CNTN4: variants seen among roughly 807,000 people sequenced by gnomAD.
CNTN4 encodes the protein contactin 4, also known as contactin-4.
Under a neutral mutation model 122.5 loss-of-function variants are expected in CNTN4, and 77 were observed. The ratio of observed to expected loss-of-function variants is 0.63; its 90% CI spans 0.52 to 0.76. CNTN4 has a LOEUF of 0.76. CNTN4 is among the 30% of genes least tolerant of loss of function. CNTN4 has a pLI of 0.00. For synonymous variants in CNTN4, 512 were observed against 447.0 expected (o/e 1.15, Z -1.83); for missense variants, 1,256 against 1,259.1 (o/e 1.00, Z 0.04).
At chr3:2,824,854 G>T (rs1258602559) in intron 7 of CNTN4, among the ~76,000 whole-genome samples, 2 of 151,956 alleles carry the variant, frequency 1.3e-5, no homozygotes, top group Non-Finnish European at 2.9e-5. Context: ...GTAGAGATGA[G>T]GTTTCACCAT....
intron 2 of CNTN4, among the ~76,000 whole-genome samples, chr3:2,222,441 T>C (rs1430182695): frequency 2.6e-5 from 4 of 152,032 alleles, no homozygotes; most frequent in Admixed American, 6.6e-5. Flanking sequence ...TAAATGTATG[T>C]GGGCTGATTT....
chr3:3,053,902 A>T lies in CNTN4; in HGVS notation c.2907A>T (p.Ile969=), dbSNP rs1701525207. ...CTTTGCCTTTCGATGAAGATTATAT[A>T]ATAGAAATTAAGCCATTCAGCGACG... ...ELSLPFDEDY[I]IEIKPFSDGG... The change falls in exon 24 of 25, where the codon ATA becomes ATT. Residue 969 remains isoleucine (I), a synonymous_variant. Coordinates refer to ENST00000418658, the MANE Select transcript of CNTN4 (RefSeq NM_175607.3). The T allele has an allele frequency of 1.2e-5, 20 of 1,614,116 alleles. No individual in the cohort carries two copies. Among genetic ancestry groups the T allele is most frequent in the Non-Finnish European group, 1.7e-5 (20 of 1,179,954 alleles).
At chr3:2,521,790 C>G (rs148366936) in intron 3 of CNTN4, among the ~76,000 whole-genome samples, 3 of 152,052 alleles carry the variant, frequency 2.0e-5, no homozygotes, top group Admixed American at 6.6e-5. Flanking sequence ...TTTGAAGTAG[C>G]CAGCTAGAAG....
Position 2,984,221 on chromosome 3 carries a change from A to G in CNTN4, c.1359-4124A>G, listed in dbSNP as rs34945780. On this transcript the variant is annotated intron_variant, in intron 13 of 24. Transcript: ENST00000418658. ...AATGCAGATACCAAAAGCAGGAAGC[A>G]GGATGGAAATGATGGTGGGGAAAAC... 6.8e-3 allele frequency among the ~76,000 whole-genome samples: 1,038 copies of G among 152,326 alleles called. 10 individuals carry two copies. Among genetic ancestry groups the G allele is most frequent in the African/African-American group, 0.023 (953 of 41,556 alleles).
chr3:2,666,013 A>T (rs2084138468), intron 4 of CNTN4, among the ~76,000 whole-genome samples: 1 of 152,216 alleles, frequency 6.6e-6, no homozygotes, highest in African/African-American at 2.4e-5. Flanking sequence ...GCTTGTAATT[A>T]TGAATGGGCG....
chr3:2,704,920 C>T (rs2086566972), intron 4 of CNTN4, among the ~76,000 whole-genome samples: 1 of 151,894 alleles, frequency 6.6e-6, no homozygotes, highest in East Asian at 1.9e-4. Context: ...CTAAACACTG[C>T]GTGAGTGATG....
At chr3:2,466,978 T>TTTA (rs1473816670) in intron 3 of CNTN4, among the ~76,000 whole-genome samples, 12 of 149,054 alleles carry the variant, frequency 8.1e-5, no homozygotes, top group African/African-American at 3.0e-4. Flanking sequence ...TTCTTTTTTT[T>TTTA]TTTTTTTTTG....
rs754421398 is a variant in CNTN4 at position 3,040,276 on chromosome 3, C to A, written c.2398+5C>A. The A allele has an allele frequency of 6.3e-7, 1 of 1,575,586 alleles. No individual in the cohort carries two copies. The highest frequency in any genetic ancestry group is 8.7e-7 in the Non-Finnish European group (1 of 1,144,880). Reference sequence around the variant, plus strand: ...TGGTGTATTCTGCAGAAGAAGGTATCGTTTATGCTGCCTAGATCATTGACT... The same window carrying A: ...TGGTGTATTCTGCAGAAGAAGGTATAGTTTATGCTGCCTAGATCATTGACT... On this transcript the variant is annotated splice_donor_5th_base_variant and intron_variant, in intron 20 of 24. Transcript: ENST00000418658.
In CNTN4 at chr3:2,718,398, A is replaced by G. The variant is rs148945686; in HGVS notation, c.56-17817A>G. Among the ~76,000 whole-genome samples the G allele has an allele frequency of 1.6e-3, 246 of 152,304 alleles. 2 individuals are homozygous for G. The highest frequency in any genetic ancestry group is 5.9e-3 in the African/African-American group (244 of 41,554). ...GCCCAGAGTAGAAGCATATTAACTGACAAGGGCCAACTCCTGAATTCCCTT... is the reference window on the plus strand; with the variant it reads ...GCCCAGAGTAGAAGCATATTAACTGGCAAGGGCCAACTCCTGAATTCCCTT... On this transcript the variant is annotated intron_variant, in intron 4 of 24. Transcript: ENST00000418658.
intron 3 of CNTN4, among the ~76,000 whole-genome samples, chr3:2,504,722 A>G (rs2076687931): frequency 6.6e-6 from 1 of 152,204 alleles, no homozygotes; most frequent in African/African-American, 2.4e-5. Context: ...TGATCAAACA[A>G]CAACAGGACA....
At chr3:2,160,338 A>G (rs1452477253) in intron 2 of CNTN4, among the ~76,000 whole-genome samples, 1 of 152,126 alleles carries the variant, frequency 6.6e-6, no homozygotes, top group African/African-American at 2.4e-5. Flanking sequence ...GCTGGTGGCA[A>G]AATCAGGAGA....
intron 4 of CNTN4, among the ~76,000 whole-genome samples, chr3:2,575,856 C>G (rs1302512593): frequency 7.6e-6 from 1 of 131,654 alleles, no homozygotes; most frequent in African/African-American, 2.9e-5. Flanking sequence ...GAGTCTGGCT[C>G]TGCTGCCCAG....
intron 5 of CNTN4, among the ~76,000 whole-genome samples, chr3:2,741,338 A>G (rs2089445871): frequency 6.6e-6 from 1 of 152,158 alleles, no homozygotes; most frequent in African/African-American, 2.4e-5. Flanking sequence ...TTCACAGAAA[A>G]GGAGATATTT....
chr3:2,905,044 C>T (rs6785817), intron 12 of CNTN4, among the ~76,000 whole-genome samples: 15,914 of 152,086 alleles, frequency 0.1, 1,030 homozygotes, highest in South Asian at 0.16. Context: ...CGTATGTGTA[C>T]GCATAATGGC....
intron 7 of CNTN4, among the ~76,000 whole-genome samples, chr3:2,838,672 C>T (rs1168262315): frequency 2.0e-5 from 3 of 152,048 alleles, no homozygotes; most frequent in African/African-American, 4.8e-5. Context: ...AGCCCCAGCT[C>T]TTGAAGCAGA....
chr3:2,894,379 T>C (rs1454609238), intron 10 of CNTN4, among the ~76,000 whole-genome samples: 1 of 152,188 alleles, frequency 6.6e-6, no homozygotes, highest in Non-Finnish European at 1.5e-5. Context: ...TGGACATTTT[T>C]TGAGAGGCTC....
chr3:2,193,095 A>G (rs2037662795), intron 2 of CNTN4, among the ~76,000 whole-genome samples: 1 of 152,082 alleles, frequency 6.6e-6, no homozygotes, highest in Admixed American at 6.6e-5. Context: ...TGGAGTTGAC[A>G]GCTCCTTTCT....
intron 2 of CNTN4, among the ~76,000 whole-genome samples, chr3:2,137,644 G>T (rs918967289): frequency 3.9e-5 from 6 of 152,158 alleles, no homozygotes; most frequent in Non-Finnish European, 8.8e-5. Context: ...ATTGCATTTT[G>T]GGAGCTATGC....
intron 2 of CNTN4, among the ~76,000 whole-genome samples, chr3:2,207,411 A>T (rs779380100): frequency 6.6e-6 from 1 of 152,092 alleles, no homozygotes; most frequent in Admixed American, 6.6e-5. Context: ...AGTCGTGAAA[A>T]CAAGGGAAAA....
Sources: allele counts gnomAD v4.1 joint callset (sites outside exome capture counted in the v4.1 genomes callset), GRCh38; gene constraint gnomAD v4.1.1; transcripts MANE v1.5; gene names NCBI Gene and HGNC (gene_info 2026-07-23, HGNC 2026-07-21).